DDX10: variants seen among roughly 807,000 people sequenced by gnomAD.
The protein encoded by DDX10 is DEAD-box helicase 10, also known as probable ATP-dependent RNA helicase DDX10.
A neutral mutation model predicts 104.3 loss-of-function variants in DDX10; 74 were observed. The observed-to-expected ratio is 0.71, with a 90% CI of 0.59 to 0.86. The LOEUF (loss-of-function observed/expected upper bound fraction) is 0.86. DDX10 is among the 40% of genes least tolerant of loss of function. The probability of loss-of-function intolerance (pLI) is 0.00; values close to 1 mark genes in which losing one functional copy is unlikely to be tolerated. For synonymous variants in DDX10, 351 were observed against 353.4 expected (o/e 0.99, Z 0.08); for missense variants, 952 against 1,040.0 (o/e 0.92, Z 1.16).
At chr11:108,757,841 A>G (rs969646513) in intron 13 of DDX10, among the ~76,000 whole-genome samples, 1 of 151,910 alleles carries the variant, frequency 6.6e-6, no homozygotes, top group African/African-American at 2.4e-5. Flanking sequence ...TGTTTTTACT[A>G]TCGACTCTGT....
Position 108,679,354 on chromosome 11 carries a change from G to T in DDX10, c.659-17G>T, listed in dbSNP as rs200716727. The T allele has an allele frequency of 3.9e-5, 62 of 1,577,614 alleles. No individual in the cohort carries two copies. The highest frequency in any genetic ancestry group is 1.0e-5 in the Non-Finnish European group (12 of 1,167,034). On this transcript the variant is annotated splice_polypyrimidine_tract_variant and intron_variant, in intron 5 of 17. Transcript: ENST00000322536. ...TATTTTACATATGATAGTTCAACTT[G>T]CATTTTCCTTTTTCAGTTCTTGATG...
intron 9 of DDX10, among the ~76,000 whole-genome samples, chr11:108,696,749 AT>A (rs1220534313): frequency 1.3e-5 from 2 of 151,850 alleles, no homozygotes; most frequent in African/African-American, 4.8e-5. Flanking sequence ...AATATAGTGT[AT>A]TCTTTAATGT....
chr11:108,844,528 G>C (rs1862687119), intron 15 of DDX10, among the ~76,000 whole-genome samples: 1 of 152,204 alleles, frequency 6.6e-6, no homozygotes, highest in East Asian at 1.9e-4. Context: ...AATAAGGAAT[G>C]TTTTCTTAAG....
chr11:108,841,226 G>A, intron 14 of DDX10, 89 bp from the exon 15 acceptor site: 2 of 1,124,180 alleles, frequency 1.8e-6, no homozygotes, highest in Non-Finnish European at 2.6e-6. Context: ...ATGGGTATCT[G>A]CACCTTTTCA....
chr11:108,692,591 C>A (rs1183142161), intron 8 of DDX10, among the ~76,000 whole-genome samples: 1 of 152,170 alleles, frequency 6.6e-6, no homozygotes, highest in East Asian at 1.9e-4. Flanking sequence ...TTGAATCCTT[C>A]AGTCACTTAA....
At chr11:108,781,279 G>A (rs2094377757) in intron 13 of DDX10, among the ~76,000 whole-genome samples, 2 of 152,096 alleles carry the variant, frequency 1.3e-5, no homozygotes, top group African/African-American at 2.4e-5. Context: ...TGGTGTATAT[G>A]TGCCATATTT....
chr11:108,831,209 T>A (rs775234636), intron 13 of DDX10, among the ~76,000 whole-genome samples: 5 of 151,882 alleles, frequency 3.3e-5, no homozygotes, highest in Non-Finnish European at 4.4e-5. Context: ...ATTGAGACCA[T>A]CCTGGCCAAC....
intron 16 of DDX10, among the ~76,000 whole-genome samples, chr11:108,856,455 A>G (rs1862871039): frequency 6.6e-6 from 1 of 151,872 alleles, no homozygotes; most frequent in South Asian, 2.1e-4. Flanking sequence ...AACAAAAAAA[A>G]CCACCAAAAA....
intron 13 of DDX10, among the ~76,000 whole-genome samples, chr11:108,732,031 A>T (rs1265219442): frequency 6.6e-6 from 1 of 152,150 alleles, no homozygotes; most frequent in Non-Finnish European, 1.5e-5. Context: ...CTTTATCTTG[A>T]TTATCTTTTT....
chr11:108,728,532 A>G (rs1405212200), intron 13 of DDX10, among the ~76,000 whole-genome samples: 1 of 62,588 alleles, frequency 1.6e-5, no homozygotes, highest in Non-Finnish European at 2.7e-5. Context: ...TTTTTTTTTT[A>G]GAAATAGGGT....
At chr11:108,701,675 CTTTTTTTTTTTTT>C (rs55916940) in intron 9 of DDX10, among the ~76,000 whole-genome samples, 1 of 77,392 alleles carries the variant, frequency 1.3e-5, no homozygotes, top group African/African-American at 5.1e-5. Flanking sequence ...TTCTTCTTCT[CTTTTTTTTTTTTT>C]TTTTTTTTTT....
chr11:108,747,004 A>G (rs551973332), intron 13 of DDX10, among the ~76,000 whole-genome samples: 2 of 152,288 alleles, frequency 1.3e-5, no homozygotes, highest in South Asian at 4.1e-4. Flanking sequence ...TAGCAAGGGG[A>G]TAGTGTAAAC....
chr11:108,899,759 A>G (rs1591116734), intron 16 of DDX10, among the ~76,000 whole-genome samples: 1 of 152,140 alleles, frequency 6.6e-6, no homozygotes. Context: ...CAGATTCCTC[A>G]TGGCTTGGTG....
chr11:108,788,482 C>A (rs1861826280), intron 13 of DDX10, among the ~76,000 whole-genome samples: 1 of 152,126 alleles, frequency 6.6e-6, no homozygotes, highest in African/African-American at 2.4e-5. Flanking sequence ...CCTGCCTCAG[C>A]CCCCTGAGAA....
intron 16 of DDX10, among the ~76,000 whole-genome samples, chr11:108,878,974 CTT>C (rs200544326): frequency 1.3e-5 from 2 of 151,316 alleles, no homozygotes; most frequent in South Asian, 2.1e-4. Flanking sequence ...GGATAGAACA[CTT>C]TTTTTTTACC....
intron 13 of DDX10, among the ~76,000 whole-genome samples, chr11:108,742,538 C>A (rs576695437): frequency 6.6e-6 from 1 of 152,300 alleles, no homozygotes; most frequent in Admixed American, 6.5e-5. Context: ...GCATGCCAGC[C>A]TGGGCAACAG....
chr11:108,698,877 C>G (rs1565250897), intron 9 of DDX10, among the ~76,000 whole-genome samples: 4 of 152,180 alleles, frequency 2.6e-5, no homozygotes. Flanking sequence ...TTTTATGTGC[C>G]AGGCGTGCTT....
At chr11:108,735,171 G>T (rs1428867532) in intron 13 of DDX10, among the ~76,000 whole-genome samples, 2 of 152,202 alleles carry the variant, frequency 1.3e-5, no homozygotes, top group Admixed American at 6.6e-5. Flanking sequence ...GTGACAGTTA[G>T]AATTAAATCA....
intron 9 of DDX10, among the ~76,000 whole-genome samples, chr11:108,702,268 C>T (rs1473351798): frequency 6.6e-6 from 1 of 152,020 alleles, no homozygotes; most frequent in Non-Finnish European, 1.5e-5. Flanking sequence ...AATGACAAAA[C>T]AATTAAAATC....
Sources: gnomAD v4.1 joint callset for allele counts (sites outside exome capture counted in the v4.1 genomes callset) on GRCh38, gnomAD v4.1.1 for gene constraint, MANE v1.5 for transcripts, NCBI Gene and HGNC (gene_info 2026-07-23, HGNC 2026-07-21) for gene names.